PCDHA13: variants seen among roughly 807,000 people sequenced by gnomAD.
The protein encoded by PCDHA13 is protocadherin alpha 13.
Under a neutral mutation model 64.8 loss-of-function variants are expected in PCDHA13, and 54 were observed. The ratio of observed to expected loss-of-function variants is 0.83; its 90% CI spans 0.67 to 1.04. The LOEUF (loss-of-function observed/expected upper bound fraction) is 1.04. Among genes scored for constraint, PCDHA13 ranks in the 50% least tolerant of loss-of-function variants. The pLI is 0.00. For synonymous variants in PCDHA13, 587 were observed against 564.4 expected, an observed-to-expected ratio of 1.04 and a Z score of -0.57; for missense variants, 1,248 against 1,254.3, an observed-to-expected ratio of 0.99 and a Z score of 0.08.
At chr5:140,903,563 T>G (rs1459855021) in intron 1 of PCDHA13, among the ~76,000 whole-genome samples, 1 of 152,208 alleles carries the variant, frequency 6.6e-6, no homozygotes, top group African/African-American at 2.4e-5. Context: ...ATAAGTGGAA[T>G]TGGGAGCTGT....
chr5:140,968,008 C>T, intron 1 of PCDHA13: 1 of 1,614,202 alleles, frequency 6.2e-7, no homozygotes, highest in Non-Finnish European at 8.5e-7. Flanking sequence ...GACTGAATGG[C>T]TTTGGAAACT....
At chr5:140,929,189 A>G (rs782622519) in intron 1 of PCDHA13, 62 of 1,614,180 alleles carry the variant, frequency 3.8e-5, no homozygotes, top group Non-Finnish European at 4.7e-5. Flanking sequence ...GGTTCTGATA[A>G]TAACAGTTTG....
intron 1 of PCDHA13, among the ~76,000 whole-genome samples, chr5:140,911,947 G>C (rs559007219): frequency 6.6e-6 from 1 of 152,144 alleles, no homozygotes; most frequent in African/African-American, 2.4e-5. Context: ...TATATATAAA[G>C]GGGAGGTTAC....
intron 1 of PCDHA13, among the ~76,000 whole-genome samples, chr5:140,954,919 C>T (rs246021): frequency 4.6e-5 from 7 of 151,890 alleles, no homozygotes; most frequent in African/African-American, 1.7e-4. Flanking sequence ...TTATGAATTA[C>T]GTCTTTAATT....
At chr5:140,972,306 GT>G (rs2096530781) in intron 1 of PCDHA13, among the ~76,000 whole-genome samples, 1 of 150,488 alleles carries the variant, frequency 6.6e-6, no homozygotes, top group South Asian at 2.1e-4. Flanking sequence ...TGTCTGACTA[GT>G]TTTTAGGTGT....
chr5:140,928,468 G>A, intron 1 of PCDHA13: 1 of 1,614,154 alleles, frequency 6.2e-7, no homozygotes. Flanking sequence ...TTTCCAAGTA[G>A]AAGGCCGGGA....
chr5:140,942,448 A>C (rs140426253), intron 1 of PCDHA13, among the ~76,000 whole-genome samples: 3,563 of 152,146 alleles, frequency 0.023, 50 homozygotes, highest in Middle Eastern at 0.034. Flanking sequence ...CAAGTAAACT[A>C]TCAATTATAA....
chr5:140,967,204 G>C, intron 1 of PCDHA13: 10 of 1,613,634 alleles, frequency 6.2e-6, no homozygotes, highest in Non-Finnish European at 8.5e-6. Context: ...ACAACTCACC[G>C]CGTTTCCCGC....
intron 1 of PCDHA13, among the ~76,000 whole-genome samples, chr5:140,919,556 A>G (rs980403400): frequency 5.9e-5 from 9 of 152,186 alleles, no homozygotes; most frequent in African/African-American, 2.2e-4. Context: ...ACTGATTTAT[A>G]TTAAGTGAAT....
chr5:140,982,797 G>A (rs2097006142), intron 3 of PCDHA13, among the ~76,000 whole-genome samples: 1 of 151,640 alleles, frequency 6.6e-6, no homozygotes, highest in Admixed American at 6.6e-5. Context: ...ATGTGTGCAT[G>A]TGTGTGTGTG....
intron 1 of PCDHA13, chr5:140,927,132 G>C: frequency 6.2e-7 from 1 of 1,614,052 alleles, no homozygotes; most frequent in Non-Finnish European, 8.5e-7. Context: ...TCAGAGAGCC[G>C]GCGGACCGCG....
At chr5:140,984,254 G>A (rs553931247) in intron 3 of PCDHA13, among the ~76,000 whole-genome samples, 1 of 152,278 alleles carries the variant, frequency 6.6e-6, no homozygotes, top group East Asian at 1.9e-4. Flanking sequence ...GACCTGGTAA[G>A]CCACAAACTA....
chr5:140,968,209 C>G (rs781795931), intron 1 of PCDHA13: 5 of 1,614,002 alleles, frequency 3.1e-6, no homozygotes, highest in Non-Finnish European at 4.2e-6. Context: ...TACAGGAGAA[C>G]AATTTGCCAG....
chr5:140,994,962 T>C (rs2097657475), intron 3 of PCDHA13, among the ~76,000 whole-genome samples: 2 of 152,208 alleles, frequency 1.3e-5, no homozygotes, highest in Admixed American at 1.3e-4. Flanking sequence ...TGTAGTTTCA[T>C]TTGTTGGCCA....
At chr5:140,933,848 C>T (rs1176922942) in intron 1 of PCDHA13, among the ~76,000 whole-genome samples, 6 of 151,862 alleles carry the variant, frequency 4.0e-5, no homozygotes, top group African/African-American at 1.5e-4. Context: ...ATTCCTGTAC[C>T]TTTAATTTTT....
intron 1 of PCDHA13, among the ~76,000 whole-genome samples, chr5:140,961,969 C>T (rs188846719): frequency 1.5e-4 from 23 of 151,904 alleles, no homozygotes; most frequent in African/African-American, 5.1e-4. Flanking sequence ...CTGCAACCTC[C>T]GCCTCCTGGG....
chr5:140,952,798 G>T (rs1554220633), intron 1 of PCDHA13, among the ~76,000 whole-genome samples: 1 of 152,138 alleles, frequency 6.6e-6, no homozygotes, highest in African/African-American at 2.4e-5. Flanking sequence ...TAACTGGCTC[G>T]CAGTTCTGCA....
intron 1 of PCDHA13, among the ~76,000 whole-genome samples, chr5:140,909,546 A>T (rs1322878685): frequency 6.6e-6 from 1 of 152,180 alleles, no homozygotes; most frequent in African/African-American, 2.4e-5. Flanking sequence ...TGATGGTGGC[A>T]CTAATCTCTG....
chr5:140,936,275 T>C (rs1423652397), intron 1 of PCDHA13, among the ~76,000 whole-genome samples: 1 of 152,216 alleles, frequency 6.6e-6, no homozygotes, highest in African/African-American at 2.4e-5. Context: ...TATATTCCTG[T>C]GTTTTCTTCT....
Sources: allele counts gnomAD v4.1 joint callset (sites outside exome capture counted in the v4.1 genomes callset), GRCh38; gene constraint gnomAD v4.1.1; transcripts MANE v1.5; gene names NCBI Gene and HGNC (gene_info 2026-07-23, HGNC 2026-07-21).